The following ITGAV variants were observed in gnomAD, a reference collection of about 807,000 sequenced individuals.
ITGAV encodes integrin subunit alpha V, also known as integrin alpha-V.
A neutral mutation model predicts 143.8 loss-of-function variants in ITGAV; 76 were observed. The observed-to-expected ratio is 0.53, with a 90% CI of 0.44 to 0.64. ITGAV has a LOEUF of 0.64. Among genes scored for constraint, ITGAV ranks in the 30% least tolerant of loss-of-function variants. ITGAV has a pLI of 0.00. For synonymous variants in ITGAV, 453 were observed against 446.7 expected, an observed-to-expected ratio of 1.01 and a Z score of -0.18; for missense variants, 1,193 against 1,274.7, an observed-to-expected ratio of 0.94 and a Z score of 0.98.
At chr2:186,622,120 T>C (rs1687543312) in intron 2 of ITGAV, among the ~76,000 whole-genome samples, 1 of 152,224 alleles carries the variant, frequency 6.6e-6, no homozygotes, top group Non-Finnish European at 1.5e-5. Context: ...ATAATGGGGC[T>C]AATAATAACA....
At chr2:186,677,029 A>G in intron 29 of ITGAV, 94 bp downstream of exon 29, 1 of 1,379,312 alleles carries the variant, frequency 7.2e-7, no homozygotes, top group Middle Eastern at 1.8e-4. Context: ...GGGAAGGAAG[A>G]AAGGGACTGT....
At chr2:186,664,682 G>A in intron 20 of ITGAV, 41 bp downstream of exon 20, 1 of 1,612,048 alleles carries the variant, frequency 6.2e-7, no homozygotes, top group East Asian at 2.2e-5. Context: ...TGCACTCACG[G>A]ATCTTATTAA....
At chr2:186,623,114 G>C (rs187286794) in intron 3 of ITGAV, among the ~76,000 whole-genome samples, 1 of 152,120 alleles carries the variant, frequency 6.6e-6, no homozygotes, top group African/African-American at 2.4e-5. Context: ...CTCCCCCTAT[G>C]CCACTGTCCA....
Position 186,645,061 on chromosome 2 carries a change from T to A in ITGAV, c.1160-1625T>A, listed in dbSNP as rs75252638. 9.1e-3 allele frequency among the ~76,000 whole-genome samples: 1,382 copies of A among 152,336 alleles called. 12 individuals are homozygous for A. Among genetic ancestry groups the A allele is most frequent in the Non-Finnish European group, 0.016 (1,083 of 68,024 alleles). ...AAGATACGACATGTCCTTGGTCTCATGAAGCTTATGTTCTATAGCTTACTT... is the reference window on the plus strand; with the variant it reads ...AAGATACGACATGTCCTTGGTCTCAAGAAGCTTATGTTCTATAGCTTACTT... On this transcript the variant is annotated intron_variant, in intron 12 of 29. Coordinates refer to ENST00000261023, the MANE Select transcript of ITGAV (RefSeq NM_002210.5).
intron 1 of ITGAV, among the ~76,000 whole-genome samples, chr2:186,597,549 A>C (rs1251062880): frequency 2.6e-5 from 4 of 152,236 alleles, no homozygotes; most frequent in Non-Finnish European, 1.5e-5. Flanking sequence ...AGTACCCTAC[A>C]TTCAAAGAAG....
chr2:186,635,303 A>G (rs1687920188), intron 6 of ITGAV, among the ~76,000 whole-genome samples: 2 of 152,194 alleles, frequency 1.3e-5, no homozygotes, highest in Non-Finnish European at 2.9e-5. Context: ...AGAAGAAATA[A>G]TGAATTTTCC....
chr2:186,604,597 C>T (rs888411885), intron 2 of ITGAV, among the ~76,000 whole-genome samples: 13 of 152,288 alleles, frequency 8.5e-5, no homozygotes, highest in African/African-American at 2.9e-4. Flanking sequence ...GTTTACACCC[C>T]TCCAGTTGTG....
intron 2 of ITGAV, among the ~76,000 whole-genome samples, chr2:186,606,794 C>T (rs551583937): frequency 6.6e-6 from 1 of 152,138 alleles, no homozygotes; most frequent in Non-Finnish European, 1.5e-5. Flanking sequence ...AATAGAATCA[C>T]TGTTGGGTTG....
At chr2:186,666,813 C>T in intron 22 of ITGAV, 30 bp downstream of exon 22, 3 of 1,158,422 alleles carry the variant, frequency 2.6e-6, no homozygotes, top group Non-Finnish European at 1.2e-6. Context: ...TCACTTATAA[C>T]TATCAAATAA....
chr2:186,630,430 G>A (rs1687785229), intron 4 of ITGAV, among the ~76,000 whole-genome samples: 1 of 151,508 alleles, frequency 6.6e-6, no homozygotes, highest in Non-Finnish European at 1.5e-5. Flanking sequence ...TACAAATATT[G>A]TTTGGTAAGA....
chr2:186,653,440 A>T (rs964769858), intron 15 of ITGAV, among the ~76,000 whole-genome samples: 11 of 152,206 alleles, frequency 7.2e-5, no homozygotes, highest in African/African-American at 2.4e-4. Context: ...AGAACTTATG[A>T]TCAAGGAGAA....
chr2:186,656,610 A>G (rs1230282059), intron 17 of ITGAV, among the ~76,000 whole-genome samples: 3 of 152,164 alleles, frequency 2.0e-5, no homozygotes, highest in Non-Finnish European at 4.4e-5. Context: ...TTCCACAACA[A>G]TACTACTGAA....
intron 1 of ITGAV, among the ~76,000 whole-genome samples, chr2:186,591,824 T>C (rs1328498084): frequency 6.6e-6 from 1 of 152,046 alleles, no homozygotes; most frequent in African/African-American, 2.4e-5. Context: ...TTATTTGTTG[T>C]TAGCAGTTAC....
intron 18 of ITGAV, among the ~76,000 whole-genome samples, chr2:186,661,105 A>AT (rs1688730959): frequency 6.6e-6 from 1 of 152,184 alleles, no homozygotes; most frequent in Admixed American, 6.5e-5. Flanking sequence ...AAATATTGTC[A>AT]TTTTTACATG....
chr2:186,635,948 G>A, intron 6 of ITGAV, 134 bp from the exon 7 acceptor site: 1 of 625,468 alleles, frequency 1.6e-6, no homozygotes, highest in South Asian at 2.9e-5. Context: ...TATGATCAAG[G>A]AGAGTTATGT....
chr2:186,628,761 T>A (rs1448849364), intron 4 of ITGAV, among the ~76,000 whole-genome samples: 1 of 152,254 alleles, frequency 6.6e-6, no homozygotes, highest in Middle Eastern at 3.4e-3. Flanking sequence ...GCTAATATTA[T>A]TTGAACATAG....
intron 3 of ITGAV, among the ~76,000 whole-genome samples, chr2:186,623,801 C>T (rs1220061436): frequency 1.3e-5 from 2 of 152,138 alleles, no homozygotes; most frequent in African/African-American, 4.8e-5. Flanking sequence ...CAATCTGCCT[C>T]AAAAATATAT....
At chr2:186,655,523 A>G (rs376968559) in intron 16 of ITGAV, among the ~76,000 whole-genome samples, 4 of 152,216 alleles carry the variant, frequency 2.6e-5, no homozygotes, top group African/African-American at 9.6e-5. Context: ...GGCCTAGTAG[A>G]ACAGAACATG....
chr2:186,654,834 T>C (rs934169298), intron 16 of ITGAV, 126 bp downstream of exon 16: 2 of 525,756 alleles, frequency 3.8e-6, no homozygotes, highest in South Asian at 3.3e-5. Context: ...ATGTTTATGC[T>C]TAAAGACATT....
Sources: allele counts gnomAD v4.1 joint callset (sites outside exome capture counted in the v4.1 genomes callset), GRCh38; gene constraint gnomAD v4.1.1; transcripts MANE v1.5; gene names NCBI Gene and HGNC (gene_info 2026-07-23, HGNC 2026-07-21).